The following DMXL1 variants were observed in gnomAD, a reference collection of about 807,000 sequenced individuals.
The protein encoded by DMXL1 is Dmx like 1.
In DMXL1, 99 loss-of-function variants were observed where a neutral mutation model predicts 319.2. The ratio of observed to expected loss-of-function variants is 0.31; its 90% CI spans 0.26 to 0.37. The LOEUF (loss-of-function observed/expected upper bound fraction) is 0.37, where lower values mean the gene tolerates loss of function less well. Among genes scored for constraint, DMXL1 ranks in the 10% least tolerant of loss-of-function variants. DMXL1 has a pLI of 1.00. For missense variants in DMXL1, 3,745 were observed against 3,595.6 expected (o/e 1.04, Z -1.06); for synonymous variants, 1,385 against 1,235.2 (o/e 1.12, Z -2.54).
intron 1 of DMXL1, among the ~76,000 whole-genome samples, chr5:119,075,572 A>G (rs1301805776): frequency 3.3e-5 from 5 of 152,012 alleles, no homozygotes; most frequent in Non-Finnish European, 7.4e-5. Flanking sequence ...GTTGTTAGGC[A>G]TTTTATCATC....
chr5:119,116,459 ATAT>A (rs1488830380), intron 7 of DMXL1, 123 bp downstream of exon 7: 4 of 1,074,742 alleles, frequency 3.7e-6, no homozygotes, highest in Non-Finnish European at 5.4e-6. Context: ...GATTAGAGTA[ATAT>A]TAAATCGTCT....
At chr5:119,158,375 T>C (rs545603511) in intron 19 of DMXL1, among the ~76,000 whole-genome samples, 1 of 152,340 alleles carries the variant, frequency 6.6e-6, no homozygotes, top group African/African-American at 2.4e-5. Flanking sequence ...ACTGTTTCTT[T>C]GGTGGAGTCT....
At chr5:119,197,587 G>T (rs1779865447) in intron 31 of DMXL1, among the ~76,000 whole-genome samples, 168 bp from the exon 32 acceptor site, 1 of 151,538 alleles carries the variant, frequency 6.6e-6, no homozygotes, top group Non-Finnish European at 1.5e-5. Flanking sequence ...GGGTTTCTTT[G>T]CCCACCTCAC....
intron 34 of DMXL1, among the ~76,000 whole-genome samples, chr5:119,207,853 T>A (rs1782034111): frequency 6.6e-6 from 1 of 152,176 alleles, no homozygotes; most frequent in Non-Finnish European, 1.5e-5. Context: ...GGTTAATATT[T>A]AACTCATGTT....
intron 19 of DMXL1, among the ~76,000 whole-genome samples, chr5:119,158,456 G>A (rs79307852): frequency 2.1e-3 from 320 of 152,096 alleles, no homozygotes; most frequent in East Asian, 0.017. Flanking sequence ...TTTCCTATTT[G>A]GATGCCTTTT....
chr5:119,147,144 C>G, intron 16 of DMXL1, 105 bp from the exon 17 acceptor site: 3 of 1,134,290 alleles, frequency 2.6e-6, no homozygotes, highest in Non-Finnish European at 2.5e-6. Context: ...AATATGTTTA[C>G]TATTTTATCT....
At chr5:119,180,760 T>C (rs1776641741) in intron 28 of DMXL1, among the ~76,000 whole-genome samples, 1 of 152,154 alleles carries the variant, frequency 6.6e-6, no homozygotes, top group South Asian at 2.1e-4. Context: ...ACTTTCAAAG[T>C]CTAAGGGAAG....
intron 25 of DMXL1, 152 bp downstream of exon 25, chr5:119,172,121 ATCT>A (rs1262499327): frequency 3.0e-5 from 22 of 725,480 alleles, no homozygotes; most frequent in Non-Finnish European, 4.5e-5. Flanking sequence ...TATTAAAGAA[ATCT>A]TCTGGTTGTA....
chr5:119,131,730 A>G (rs1009063520), intron 10 of DMXL1, among the ~76,000 whole-genome samples: 17 of 152,210 alleles, frequency 1.1e-4, no homozygotes, highest in Non-Finnish European at 2.1e-4. Context: ...TTCTACCAGT[A>G]ATCCACTGAC....
chr5:119,240,525 A>T, intron 42 of DMXL1, 54 bp downstream of exon 42: 3 of 1,210,580 alleles, frequency 2.5e-6, no homozygotes, highest in Non-Finnish European at 3.6e-6. Context: ...TCATAAGCTA[A>T]ATATTATTTA....
chr5:119,082,477 A>G (rs983838472), intron 1 of DMXL1, among the ~76,000 whole-genome samples: 21 of 151,982 alleles, frequency 1.4e-4, no homozygotes, highest in African/African-American at 4.6e-4. Flanking sequence ...GTCTCACTGT[A>G]TTACCCAGAC....
In DMXL1 at chr5:119,177,089, G is replaced by A. The variant is rs74675623; in HGVS notation, c.6759-268G>A. On this transcript the variant is annotated intron_variant, in intron 26 of 43. Coordinates refer to ENST00000539542, the MANE Select transcript of DMXL1 (RefSeq NM_001290321.3). Reference sequence around the variant, plus strand: ...ATAACTATGTTTTTAAGTCAAATATGTAATCTTGCTACTTGTGGTACATAG... The same window carrying A: ...ATAACTATGTTTTTAAGTCAAATATATAATCTTGCTACTTGTGGTACATAG... 7.5e-3 allele frequency among the ~76,000 whole-genome samples: 1,139 copies of A among 152,124 alleles called. 38 individuals are homozygous for A. Among genetic ancestry groups the A allele is most frequent in the Admixed American group, 0.055 (837 of 15,270 alleles).
At chr5:119,204,117 C>A (rs558572252) in intron 33 of DMXL1, among the ~76,000 whole-genome samples, 1 of 151,888 alleles carries the variant, frequency 6.6e-6, no homozygotes, top group African/African-American at 2.4e-5. Flanking sequence ...CCACCACGCC[C>A]GGCCTGAAAA....
chr5:119,082,034 C>T (rs1355076522), intron 1 of DMXL1, among the ~76,000 whole-genome samples: 27 of 147,412 alleles, frequency 1.8e-4, no homozygotes, highest in East Asian at 7.9e-4. Context: ...CACACACACA[C>T]ACACACACAC....
chr5:119,105,471 T>A (rs572447360), intron 4 of DMXL1, among the ~76,000 whole-genome samples: 2 of 152,320 alleles, frequency 1.3e-5, no homozygotes, highest in Non-Finnish European at 2.9e-5. Context: ...CATAATAGGA[T>A]ACCCATTGTT....
intron 23 of DMXL1, among the ~76,000 whole-genome samples, chr5:119,169,619 AG>A (rs1774152912): frequency 6.6e-6 from 1 of 152,222 alleles, no homozygotes; most frequent in Non-Finnish European, 1.5e-5. Flanking sequence ...AAGGCCCCAA[AG>A]CAAGAGTTTA....
chr5:119,125,131 C>A (rs1763233443), intron 9 of DMXL1, among the ~76,000 whole-genome samples: 1 of 152,252 alleles, frequency 6.6e-6, no homozygotes, highest in East Asian at 1.9e-4. Flanking sequence ...TGGAAGTCTT[C>A]TTTTACATCA....
intron 32 of DMXL1, among the ~76,000 whole-genome samples, chr5:119,202,101 C>T (rs952901391): frequency 2.6e-5 from 4 of 151,790 alleles, no homozygotes; most frequent in South Asian, 2.1e-4. Context: ...TATTTTTTAT[C>T]TTCTGCTAGC....
chr5:119,146,710 T>A (rs1768624720), intron 15 of DMXL1, 127 bp from the exon 16 acceptor site: 2 of 794,336 alleles, frequency 2.5e-6, no homozygotes, highest in Non-Finnish European at 3.8e-6. Flanking sequence ...ATACCACTTG[T>A]GTTTGAAGCC....
Sources: gnomAD v4.1 joint callset for allele counts (sites outside exome capture counted in the v4.1 genomes callset) on GRCh38, gnomAD v4.1.1 for gene constraint, MANE v1.5 for transcripts, NCBI Gene and HGNC (gene_info 2026-07-23, HGNC 2026-07-21) for gene names.